Variants in TRIM5 observed in about 807,000 individuals in gnomAD.
TRIM5 encodes the protein tripartite motif containing 5.
In TRIM5, 31 loss-of-function variants were observed where a neutral mutation model predicts 35.6. The ratio of observed to expected loss-of-function variants is 0.87; its 90% CI spans 0.65 to 1.18. The LOEUF (loss-of-function observed/expected upper bound fraction) is 1.18, where lower values mean the gene tolerates loss of function less well. Ranked by LOEUF, TRIM5 falls within the 50% of genes most tolerant of loss-of-function variation. TRIM5 has a pLI of 0.00. For missense variants in TRIM5, 609 were observed against 591.6 expected, an observed-to-expected ratio of 1.03 and a Z score of -0.31; for synonymous variants, 243 against 215.6, an observed-to-expected ratio of 1.13 and a Z score of -1.11.
chr11:5,643,840 T>A, the TRIM5 span: 1 of 1,242,240 alleles, frequency 8.0e-7, no homozygotes. Flanking sequence ...TTGAGATGTA[T>A]GGTGTATTTG....
the TRIM5 span, chr11:5,634,621 A>C: frequency 2.5e-5 from 40 of 1,607,454 alleles, no homozygotes; most frequent in Non-Finnish European, 3.4e-5. Context: ...TCTCTTGTCC[A>C]TCCTTGCAGT....
At chr11:5,653,112 A>G in the TRIM5 span, among the ~76,000 whole-genome samples, 1 of 152,190 alleles carries the variant, frequency 6.6e-6, no homozygotes, top group Non-Finnish European at 1.5e-5. Flanking sequence ...TCGGCCTCCC[A>G]AAGTGCTGGG....
the TRIM5 span, chr11:5,634,600 T>TA: frequency 5.1e-6 from 8 of 1,581,322 alleles, no homozygotes; most frequent in Non-Finnish European, 6.0e-6. Flanking sequence ...CTGACAAACT[T>TA]ACTACAACTC....
At chr11:5,628,806 A>ATTT in the TRIM5 span, among the ~76,000 whole-genome samples, 224 of 149,392 alleles carry the variant, frequency 1.5e-3, no homozygotes, top group Middle Eastern at 3.5e-3. Flanking sequence ...GGCAAAGTTG[A>ATTT]TTTTTTTTTT....
the TRIM5 span, among the ~76,000 whole-genome samples, chr11:5,622,301 C>T: frequency 1.1e-4 from 17 of 152,146 alleles, no homozygotes; most frequent in East Asian, 1.5e-3. Context: ...AAAAATTAGC[C>T]GGGCGTTGTG....
At chr11:5,680,832 G>A (rs1193980901) in intron 1 of TRIM5, among the ~76,000 whole-genome samples, 2 of 152,190 alleles carry the variant, frequency 1.3e-5, no homozygotes, top group Admixed American at 6.5e-5. Flanking sequence ...TGTATAAATA[G>A]ACATAATAAG....
At chr11:5,649,709 C>T in the TRIM5 span, among the ~76,000 whole-genome samples, 1 of 152,134 alleles carries the variant, frequency 6.6e-6, no homozygotes, top group Non-Finnish European at 1.5e-5. Context: ...CGTAATGTTG[C>T]AGAAGTAGAA....
the TRIM5 span, chr11:5,642,295 G>C: frequency 1.3e-5 from 12 of 934,510 alleles, no homozygotes; most frequent in East Asian, 2.5e-4. Flanking sequence ...CTCAGGCTCA[G>C]GGAGAAGGGT....
At chr11:5,594,367 G>T in the TRIM5 span, among the ~76,000 whole-genome samples, 2 of 152,130 alleles carry the variant, frequency 1.3e-5, no homozygotes, top group African/African-American at 4.8e-5. Flanking sequence ...GAGAGCAGTA[G>T]CAGGATCATG....
At chr11:5,608,227 C>T in the TRIM5 span, 1 of 1,204,260 alleles carries the variant, frequency 8.3e-7, no homozygotes, top group Non-Finnish European at 1.1e-6. Context: ...GACAGTCTGC[C>T]CTGAGTTTTT....
intron 4 of TRIM5, among the ~76,000 whole-genome samples, chr11:5,669,107 G>A (rs1157375171): frequency 6.8e-5 from 10 of 147,846 alleles, no homozygotes; most frequent in Admixed American, 1.3e-4. Context: ...TTGATACGGG[G>A]TTTCGCTCGT....
the TRIM5 span, among the ~76,000 whole-genome samples, chr11:5,595,549 T>A: frequency 6.6e-6 from 1 of 152,296 alleles, no homozygotes; most frequent in African/African-American, 2.4e-5. Flanking sequence ...TACGTCTATA[T>A]GGAGTACAGG....
rs374402267 is a variant in TRIM5 at position 5,678,338 on chromosome 11, C to T, written c.610G>A (p.Glu204Lys). 1.2e-5 allele frequency: 20 copies of T among 1,613,860 alleles called. No individual in the cohort carries two copies. In the African/African-American group the frequency reaches 1.7e-4, roughly 14 times the overall value. Reference sequence around the variant, plus strand: ...TTCAGAATGTCTTCCTCCTCCTTCTCCAGGTTTTGCAGCTCATTGCTCTCC... The same window carrying T: ...TTCAGAATGTCTTCCTCCTCCTTCTTCAGGTTTTGCAGCTCATTGCTCTCC... ...WEESNELQNL[E>K]KEEEDILKSL... The change falls in exon 4 of 8, where the codon GAG becomes AAG. Residue 204 changes from glutamate (E) to lysine (K), a missense_variant. Transcript: ENST00000380034.
At chr11:5,634,560 C>T in the TRIM5 span, 1 of 1,316,074 alleles carries the variant, frequency 7.6e-7, no homozygotes, top group East Asian at 2.4e-5. Context: ...TCCCTACTGG[C>T]TCCTAATCCC....
the TRIM5 span, chr11:5,642,861 T>C: frequency 6.2e-7 from 1 of 1,613,840 alleles, no homozygotes; most frequent in Non-Finnish European, 8.5e-7. Context: ...AAAGTTAGTC[T>C]TTAAATAACT....
the TRIM5 span, among the ~76,000 whole-genome samples, chr11:5,653,024 T>C: frequency 6.6e-6 from 1 of 151,998 alleles, no homozygotes; most frequent in African/African-American, 2.4e-5. Flanking sequence ...GGCTAATTTT[T>C]TGTATTTTTG....
chr11:5,599,728 A>G, the TRIM5 span, among the ~76,000 whole-genome samples: 9 of 152,132 alleles, frequency 5.9e-5, no homozygotes, highest in African/African-American at 2.2e-4. Context: ...TAACAGTAAC[A>G]CTTTGATAAG....
intron 4 of TRIM5, among the ~76,000 whole-genome samples, chr11:5,668,710 A>C (rs1024881386): frequency 1.3e-5 from 2 of 152,102 alleles, no homozygotes; most frequent in African/African-American, 4.8e-5. Flanking sequence ...TTGGCCTCCC[A>C]AAGTGCTGAG....
At chr11:5,642,562 A>C in the TRIM5 span, 1 of 1,592,642 alleles carries the variant, frequency 6.3e-7, no homozygotes, top group Non-Finnish European at 8.6e-7. Flanking sequence ...GTCAGGTAAT[A>C]AACTGTCTAG....
Sources: gnomAD v4.1 joint callset for allele counts (sites outside exome capture counted in the v4.1 genomes callset) on GRCh38, gnomAD v4.1.1 for gene constraint, MANE v1.5 for transcripts, NCBI Gene and HGNC (gene_info 2026-07-23, HGNC 2026-07-21) for gene names.